The following MICU3 variants were observed in gnomAD, a reference collection of about 807,000 sequenced individuals.
The protein encoded by MICU3 is calcium uptake protein 3, mitochondrial.
Under a neutral mutation model 66.5 loss-of-function variants are expected in MICU3, and 62 were observed. The observed-to-expected ratio is 0.93, with a 90% CI of 0.76 to 1.15. The LOEUF (loss-of-function observed/expected upper bound fraction) is 1.15, where lower values mean the gene tolerates loss of function less well. Among genes scored for constraint, MICU3 ranks in the 50% most tolerant of loss-of-function variants. The pLI is 0.00. For missense variants in MICU3, 779 were observed against 664.4 expected (o/e 1.17, Z -1.90); for synonymous variants, 308 against 240.7 (o/e 1.28, Z -2.59).
At chr8:17,082,245 G>C (rs1821298545) in intron 5 of MICU3, among the ~76,000 whole-genome samples, 1 of 152,104 alleles carries the variant, frequency 6.6e-6, no homozygotes, top group African/African-American at 2.4e-5. Flanking sequence ...GAGACAATCT[G>C]TTATAGTTTA....
At chr8:17,088,510 A>G (rs1459914006) in intron 7 of MICU3, among the ~76,000 whole-genome samples, 1 of 151,976 alleles carries the variant, frequency 6.6e-6, no homozygotes, top group Non-Finnish European at 1.5e-5. Context: ...ACTATAATTG[A>G]CTGAATAGGC....
chr8:17,107,501 A>T (rs745592070), intron 11 of MICU3, among the ~76,000 whole-genome samples: 1 of 152,168 alleles, frequency 6.6e-6, no homozygotes, highest in African/African-American at 2.4e-5. Flanking sequence ...CTAAGGTAAG[A>T]AGTTTAGTTA....
intron 3 of MICU3, among the ~76,000 whole-genome samples, chr8:17,070,631 T>C (rs1819417388): frequency 7.2e-6 from 1 of 138,630 alleles, no homozygotes; most frequent in Admixed American, 7.3e-5. Context: ...TATATTTTTA[T>C]AGATATGTTT....
At chr8:17,062,595 A>G (rs1264866879) in intron 1 of MICU3, among the ~76,000 whole-genome samples, 2 of 152,174 alleles carry the variant, frequency 1.3e-5, no homozygotes, top group African/African-American at 4.8e-5. Context: ...TGTTTTTGTT[A>G]TGGCTTCTCA....
chr8:17,113,271 C>T (rs1253181261), intron 11 of MICU3, among the ~76,000 whole-genome samples: 1 of 152,174 alleles, frequency 6.6e-6, no homozygotes, highest in East Asian at 1.9e-4. Context: ...GCCTTCTGCT[C>T]TTCTCTCTGT....
At chr8:17,105,223 A>G (rs1801639001) in intron 10 of MICU3, among the ~76,000 whole-genome samples, 190 bp from the exon 11 acceptor site, 1 of 151,998 alleles carries the variant, frequency 6.6e-6, no homozygotes, top group Non-Finnish European at 1.5e-5. Flanking sequence ...CCTGGGTGCT[A>G]CAGTCATTAA....
rs1260248982 is a variant in MICU3, at chr8:17,120,420, A to T, written c.*133A>T. 2.6e-5 allele frequency: 4 copies of T among 152,076 alleles called. No homozygotes were observed. Among genetic ancestry groups the T allele is most frequent in the Non-Finnish European group, 4.4e-5 (3 of 67,962 alleles). The allele number at this position is 152,076 out of a possible 1,614,324, so 9.4% of individuals were successfully genotyped here. ...GGAAAAGGTGAATGCTATGAAATTG[A>T]TATTTTTTCTGGAACTGAATTCTTA... On this transcript the variant is annotated 3_prime_UTR_variant, in exon 15 of 15. Coordinates refer to ENST00000318063, the MANE Select transcript of MICU3 (RefSeq NM_181723.3).
intron 1 of MICU3, among the ~76,000 whole-genome samples, chr8:17,056,313 C>T (rs1816922163): frequency 6.6e-6 from 1 of 152,114 alleles, no homozygotes; most frequent in African/African-American, 2.4e-5. Context: ...CTATTCCTGG[C>T]TGAGGTTCAT....
chr8:17,029,505 A>G (rs1208469913), intron 1 of MICU3, among the ~76,000 whole-genome samples: 1 of 152,092 alleles, frequency 6.6e-6, no homozygotes, highest in Non-Finnish European at 1.5e-5. Flanking sequence ...TTATTCGTTT[A>G]TTTATTTTGT....
chr8:17,087,104 C>T lies in MICU3; in HGVS notation c.849+69C>T, dbSNP rs972868639. On this transcript the variant is annotated intron_variant, in intron 7 of 14. Coordinates refer to ENST00000318063, the MANE Select transcript of MICU3 (RefSeq NM_181723.3). ...CAATTATTTTATTCATGTTAAGAAACAATAATTAAAGTTTGTAACTTTGAA... is the reference window on the plus strand; with the variant it reads ...CAATTATTTTATTCATGTTAAGAAATAATAATTAAAGTTTGTAACTTTGAA... 2.0e-5 allele frequency: 21 copies of T among 1,040,446 alleles called. No individual in the cohort carries two copies. The African/African-American group carries it at 3.1e-4, about 15-fold the overall frequency. The allele number at this position is 1,040,446 out of a possible 1,614,324, so 64.5% of individuals were successfully genotyped here.
At chr8:17,134,546 A>G in the MICU3 span, among the ~76,000 whole-genome samples, 12 of 152,064 alleles carry the variant, frequency 7.9e-5, no homozygotes, top group East Asian at 2.3e-3. Flanking sequence ...CCAGGTTCAT[A>G]CCATTCTCCT....
intron 11 of MICU3, among the ~76,000 whole-genome samples, chr8:17,113,262 C>G (rs1378674707): frequency 6.6e-6 from 1 of 152,190 alleles, no homozygotes; most frequent in African/African-American, 2.4e-5. Context: ...CTCAACTCGG[C>G]CTTCTGCTCT....
rs562878941 is a variant in MICU3 at position 17,122,059 on chromosome 8, A to G, written c.*1772A>G. 2 of 152,016 alleles carry G rather than the reference A, an allele frequency of 1.3e-5. No individual in the cohort carries two copies. The highest frequency in any genetic ancestry group is 2.4e-5 in the African/African-American group (1 of 41,574). The allele number at this position is 152,016 out of a possible 1,614,324, so 9.4% of individuals were successfully genotyped here. On this transcript the variant is annotated 3_prime_UTR_variant, in exon 15 of 15. Coordinates refer to ENST00000318063, the MANE Select transcript of MICU3 (RefSeq NM_181723.3). ...CAAATCCTGCAAATATAGATTAAAA[A>G]TTAAATTAGCCCATTGAAATCCTTT...
At chr8:17,030,169 C>G (rs1052426781) in intron 1 of MICU3, among the ~76,000 whole-genome samples, 2 of 152,126 alleles carry the variant, frequency 1.3e-5, no homozygotes, top group Non-Finnish European at 2.9e-5. Context: ...GTTTTGCCTT[C>G]TAAGGATATA....
chr8:17,027,648 T>G lies in MICU3; in HGVS notation c.369T>G (p.Ala123=). Residue 123 remains alanine, a synonymous_variant, in exon 1 of 15, where the codon GCT becomes GCG. Coordinates refer to ENST00000318063, the MANE Select transcript of MICU3 (RefSeq NM_181723.3). ...GRGMLPIPVA[A]AKETVAIGRT... ...GGATGCTGCCCATCCCAGTGGCGGC[T>G]GCCAAGGAGACGGTGAGTGCGCGAG... 7.7e-7 allele frequency: 1 copy of G among 1,300,670 alleles called. No homozygotes were observed. The highest frequency in any genetic ancestry group is 2.3e-5 in the South Asian group (1 of 42,614). The allele number at this position is 1,300,670 out of a possible 1,614,324, so 80.6% of individuals were successfully genotyped here. A position where few individuals can be genotyped will look rare whatever the true frequency, so the allele number is the denominator to read the frequency against.
intron 9 of MICU3, among the ~76,000 whole-genome samples, chr8:17,100,687 A>G (rs1801181402): frequency 6.6e-6 from 1 of 151,738 alleles, no homozygotes; most frequent in African/African-American, 2.4e-5. Context: ...CTCATATTCT[A>G]GTCTGGAGCT....
At chr8:17,037,614 C>G (rs1425730736) in intron 1 of MICU3, among the ~76,000 whole-genome samples, 2 of 152,170 alleles carry the variant, frequency 1.3e-5, no homozygotes, top group African/African-American at 2.4e-5. Flanking sequence ...GGGGTCAGAG[C>G]CCACACACAG....
chr8:17,102,257 A>G (rs1027852205), intron 9 of MICU3, among the ~76,000 whole-genome samples: 1 of 151,872 alleles, frequency 6.6e-6, no homozygotes, highest in Admixed American at 6.6e-5. Context: ...CCACTCGAGC[A>G]TGGAGTAACC....
At chr8:17,045,143 G>A (rs1382450846) in intron 1 of MICU3, among the ~76,000 whole-genome samples, 1 of 151,902 alleles carries the variant, frequency 6.6e-6, no homozygotes, top group Admixed American at 6.6e-5. Flanking sequence ...GCTTTTAAAC[G>A]AAAATGCTCA....
Sources: allele counts gnomAD v4.1 joint callset (sites outside exome capture counted in the v4.1 genomes callset), GRCh38; gene constraint gnomAD v4.1.1; transcripts MANE v1.5; gene names NCBI Gene and HGNC (gene_info 2026-07-23, HGNC 2026-07-21).